The following KCND3 variants were observed in gnomAD, a reference collection of about 807,000 sequenced individuals.
KCND3 encodes the protein A-type voltage-gated potassium channel KCND3.
Under a neutral mutation model 51.1 loss-of-function variants are expected in KCND3, and 9 were observed. The observed-to-expected ratio is 0.18, with a 90% CI of 0.11 to 0.31. The LOEUF is 0.31. Ranked by LOEUF, KCND3 falls within the 10% of genes least tolerant of loss-of-function variation. The probability of loss-of-function intolerance (pLI) is 1.00; values close to 1 mark genes in which losing one functional copy is unlikely to be tolerated. For synonymous variants in KCND3, 349 were observed against 368.0 expected, an observed-to-expected ratio of 0.95 and a Z score of 0.59; for missense variants, 526 against 903.8, an observed-to-expected ratio of 0.58 and a Z score of 5.36.
chr1:111,806,097 G>A (rs7552313), intron 2 of KCND3, among the ~76,000 whole-genome samples: 12,338 of 152,136 alleles, frequency 0.081, 865 homozygotes, highest in African/African-American at 0.18. Flanking sequence ...CCCCTGCTAC[G>A]ACACTGACTC....
At chr1:111,954,055 G>A (rs1049727169) in intron 2 of KCND3, among the ~76,000 whole-genome samples, 3 of 152,154 alleles carry the variant, frequency 2.0e-5, no homozygotes, top group Non-Finnish European at 4.4e-5. Flanking sequence ...TTCCCTGCCA[G>A]GTCACTGTGG....
At chr1:111,980,871 T>C (rs990767328) in intron 2 of KCND3, among the ~76,000 whole-genome samples, 73 of 152,296 alleles carry the variant, frequency 4.8e-4, no homozygotes, top group African/African-American at 1.7e-3. Flanking sequence ...ACCGAGCACC[T>C]GTCCCTCCTT....
At chr1:111,965,654 C>T (rs1377652474) in intron 2 of KCND3, among the ~76,000 whole-genome samples, 3 of 152,104 alleles carry the variant, frequency 2.0e-5, no homozygotes, top group Non-Finnish European at 4.4e-5. Flanking sequence ...ATTGATGATC[C>T]CCTTGCAGCC....
chr1:111,800,241 C>T (rs1248428148), intron 2 of KCND3, among the ~76,000 whole-genome samples: 4 of 106,306 alleles, frequency 3.8e-5, no homozygotes, highest in Non-Finnish European at 7.7e-5. Context: ...TGTGACCTTA[C>T]CCCCAACCCT....
intron 2 of KCND3, among the ~76,000 whole-genome samples, chr1:111,816,104 T>C (rs541725321): frequency 6.6e-6 from 1 of 152,362 alleles, no homozygotes; most frequent in East Asian, 1.9e-4. Context: ...TACTTCCATG[T>C]TACAGATGAA....
chr1:111,890,025 G>T (rs767773413), intron 2 of KCND3, among the ~76,000 whole-genome samples: 1 of 152,136 alleles, frequency 6.6e-6, no homozygotes, highest in Non-Finnish European at 1.5e-5. Flanking sequence ...AGCAAGAGTC[G>T]CATTCAATGA....
intron 2 of KCND3, among the ~76,000 whole-genome samples, chr1:111,945,134 A>T (rs1672717254): frequency 1.3e-5 from 2 of 152,330 alleles, no homozygotes; most frequent in Admixed American, 1.3e-4. Flanking sequence ...TGTGGAGAGC[A>T]GAAGTCAGCG....
chr1:111,808,456 A>G (rs1454672712), intron 2 of KCND3, among the ~76,000 whole-genome samples: 1 of 152,220 alleles, frequency 6.6e-6, no homozygotes, highest in Non-Finnish European at 1.5e-5. Flanking sequence ...CCTCTGTGCC[A>G]TGATGATGTA....
intron 2 of KCND3, among the ~76,000 whole-genome samples, chr1:111,862,895 T>A (rs1369538576): frequency 6.6e-6 from 1 of 152,224 alleles, no homozygotes; most frequent in Non-Finnish European, 1.5e-5. Context: ...TTGGGTGATG[T>A]AAGAGGTGGA....
At chr1:111,951,709 T>C (rs1673072121) in intron 2 of KCND3, among the ~76,000 whole-genome samples, 1 of 152,164 alleles carries the variant, frequency 6.6e-6, no homozygotes, top group African/African-American at 2.4e-5. Flanking sequence ...ACCAAAAAGA[T>C]ACAAAATCAT....
chr1:111,968,914 T>C (rs906588505), intron 2 of KCND3, among the ~76,000 whole-genome samples: 1 of 152,140 alleles, frequency 6.6e-6, no homozygotes, highest in African/African-American at 2.4e-5. Context: ...CAAGGCTCCC[T>C]GGAACCAGAA....
At chr1:111,936,167 C>T (rs2120435) in intron 2 of KCND3, among the ~76,000 whole-genome samples, 2 of 152,320 alleles carry the variant, frequency 1.3e-5, no homozygotes, top group South Asian at 2.1e-4. Context: ...GATGGAGAGA[C>T]CCCAAGTTTG....
intron 2 of KCND3, among the ~76,000 whole-genome samples, chr1:111,954,611 G>T (rs1571898290): frequency 1.3e-5 from 2 of 152,204 alleles, no homozygotes; most frequent in East Asian, 1.9e-4. Flanking sequence ...GCCAGAGTGG[G>T]ATTCTGGCTG....
chr1:111,853,688 C>T (rs1350726976), intron 2 of KCND3: 1 of 152,212 alleles, frequency 6.6e-6, no homozygotes, highest in Non-Finnish European at 1.5e-5. Context: ...GTGTAAGCTC[C>T]ATGCGGGCAG....
intron 2 of KCND3, among the ~76,000 whole-genome samples, chr1:111,797,061 C>T (rs1213907934): frequency 6.6e-6 from 1 of 152,202 alleles, no homozygotes; most frequent in Admixed American, 6.5e-5. Context: ...CTTTAGTGTG[C>T]ATCAGAATTG....
At chr1:111,845,647 G>T (rs1014099471) in intron 2 of KCND3, among the ~76,000 whole-genome samples, 4 of 151,966 alleles carry the variant, frequency 2.6e-5, no homozygotes, top group Non-Finnish European at 5.9e-5. Context: ...GGTTCCAATT[G>T]TCTTATATTA....
intron 2 of KCND3, among the ~76,000 whole-genome samples, chr1:111,963,898 T>C (rs1384495705): frequency 1.3e-5 from 2 of 152,248 alleles, no homozygotes; most frequent in East Asian, 3.8e-4. Context: ...GCTTCCTGCC[T>C]AAGCAAAACC....
In KCND3 at chr1:111,930,028, A is replaced by T. The variant is rs184208897; in HGVS notation, c.1106+51593T>A. ...GTGTGTCTGATCCTACTCTGCACAGATATTTTTAATACAGATTTAATCATA... is the reference window on the plus strand; with the variant it reads ...GTGTGTCTGATCCTACTCTGCACAGTTATTTTTAATACAGATTTAATCATA... On this transcript the variant is annotated intron_variant, in intron 2 of 7. Coordinates refer to ENST00000302127, the MANE Select transcript of KCND3 (RefSeq NM_001378969.1). 1.4e-4 allele frequency among the ~76,000 whole-genome samples: 21 copies of T among 152,374 alleles called. No homozygotes were observed. The East Asian group carries it at 4.0e-3, about 29-fold the overall frequency.
intron 2 of KCND3, among the ~76,000 whole-genome samples, chr1:111,790,832 C>T (rs1459598568): frequency 1.3e-5 from 2 of 152,184 alleles, no homozygotes; most frequent in Admixed American, 6.5e-5. Flanking sequence ...ATATATGTGG[C>T]TTCTCATGTC....
Sources: gnomAD v4.1 joint callset for allele counts (sites outside exome capture counted in the v4.1 genomes callset) on GRCh38, gnomAD v4.1.1 for gene constraint, MANE v1.5 for transcripts, NCBI Gene and HGNC (gene_info 2026-07-23, HGNC 2026-07-21) for gene names.